CASZ1: variants seen among roughly 807,000 people sequenced by gnomAD.
CASZ1 encodes the protein castor zinc finger 1, also known as zinc finger protein castor homolog 1.
In CASZ1, 28 loss-of-function variants were observed where a neutral mutation model predicts 135.2. The ratio of observed to expected loss-of-function variants is 0.21; its 90% CI spans 0.15 to 0.28. The LOEUF (loss-of-function observed/expected upper bound fraction) is 0.28, where lower values mean the gene tolerates loss of function less well. Among genes scored for constraint, CASZ1 ranks in the 10% least tolerant of loss-of-function variants. CASZ1 has a pLI of 1.00. For synonymous variants in CASZ1, 1,068 were observed against 1,073.4 expected, an observed-to-expected ratio of 0.99 and a Z score of 0.10; for missense variants, 2,161 against 2,453.3, an observed-to-expected ratio of 0.88 and a Z score of 2.52.
At chr1:10,665,709 C>T (rs1643214585) in intron 4 of CASZ1, 138 bp from the exon 5 acceptor site, 2 of 935,984 alleles carry the variant, frequency 2.1e-6, no homozygotes, top group Non-Finnish European at 3.1e-6. Flanking sequence ...CTGAGACTGC[C>T]TGGCATGTGT....
intron 20 of CASZ1, among the ~76,000 whole-genome samples, chr1:10,640,343 G>A (rs1044727776): frequency 6.6e-6 from 1 of 152,250 alleles, no homozygotes; most frequent in Non-Finnish European, 1.5e-5. Flanking sequence ...CGTGGTGGCT[G>A]CTTCCTGGCC....
At chr1:10,751,860 A>T (rs1345841924) in intron 2 of CASZ1, among the ~76,000 whole-genome samples, 3 of 152,168 alleles carry the variant, frequency 2.0e-5, no homozygotes, top group Non-Finnish European at 4.4e-5. Flanking sequence ...AAGAGCTCCC[A>T]CCTTGGGGCA....
At chr1:10,642,357 A>G (rs1642232576) in intron 20 of CASZ1, 1 of 155,212 alleles carries the variant, frequency 6.4e-6, no homozygotes. Flanking sequence ...AAAAAAAAAA[A>G]AAAAAGAAAC....
intron 1 of CASZ1, among the ~76,000 whole-genome samples, chr1:10,766,134 T>C (rs1340300241): frequency 2.0e-5 from 3 of 151,940 alleles, no homozygotes; most frequent in Admixed American, 6.6e-5. Context: ...TGATGATCTA[T>C]CTGCAGGAAC....
intron 1 of CASZ1, among the ~76,000 whole-genome samples, chr1:10,785,996 A>G (rs967457772): frequency 5.9e-5 from 9 of 152,154 alleles, no homozygotes; most frequent in Non-Finnish European, 1.2e-4. Context: ...AGGAAACACA[A>G]TTCGCCTTCA....
chr1:10,738,908 A>T (rs1402144268), intron 2 of CASZ1, among the ~76,000 whole-genome samples: 1 of 141,310 alleles, frequency 7.1e-6, no homozygotes, highest in African/African-American at 2.6e-5. Flanking sequence ...CTCCATATGC[A>T]TGAAGGAAGG....
chr1:10,639,024 G>T lies in CASZ1; in HGVS notation c.5198C>A (p.Ala1733Glu), dbSNP rs1242664382. The T allele has an allele frequency of 2.0e-6, 2 of 1,016,618 alleles. No homozygotes were observed. The highest frequency in any genetic ancestry group is 2.4e-6 in the Non-Finnish European group (2 of 844,550). The allele number at this position is 1,016,618 out of a possible 1,614,324, so 63.0% of individuals were successfully genotyped here. Residue 1733 changes from alanine (A) to glutamate (E), a missense_variant, in exon 21 of 21, where the codon GCG (alanine) becomes GAG (glutamate). Around this residue, in one of 7 missense-constraint regions of CASZ1, gnomAD observed 185 missense variants for 134.7 expected, o/e 1.37. Transcript: ENST00000377022. This position sits in a 1 kb window ranked among gnomAD's most constrained non-coding sequence, Gnocchi z 4.0. ...CGCCAAGGCCGGGGTCCGCGCGCCCGCGCCCGCCGCCTCCGCCGCCGCCTC... is the reference window on the plus strand; with the variant it reads ...CGCCAAGGCCGGGGTCCGCGCGCCCTCGCCCGCCGCCTCCGCCGCCGCCTC... ...LPEAAAEAAG[A>E]GARTPALAAL...
chr1:10,760,331 G>A (rs774094179), intron 2 of CASZ1, among the ~76,000 whole-genome samples: 1 of 152,220 alleles, frequency 6.6e-6, no homozygotes, highest in East Asian at 1.9e-4. Context: ...GATGGAGAAT[G>A]GTCCTTGGCC....
chr1:10,775,640 G>A (rs946112831), intron 1 of CASZ1, among the ~76,000 whole-genome samples: 8 of 152,152 alleles, frequency 5.3e-5, no homozygotes, highest in Admixed American at 2.6e-4. Flanking sequence ...TCAAGGGGAC[G>A]GGTGTGAACG....
intron 5 of CASZ1, among the ~76,000 whole-genome samples, chr1:10,662,549 A>C (rs139480241): frequency 2.1e-4 from 32 of 151,860 alleles, no homozygotes; most frequent in African/African-American, 7.3e-4. Context: ...ATGCAATCAC[A>C]CACACTCTAC....
intron 5 of CASZ1, chr1:10,660,762 A>G (rs1011945856): frequency 1.8e-6 from 1 of 550,180 alleles, no homozygotes; most frequent in African/African-American, 1.9e-5. Context: ...CGAGTTCATC[A>G]ATGCCAGGAA....
At chr1:10,791,836 T>C (rs900758142) in intron 1 of CASZ1, among the ~76,000 whole-genome samples, 3 of 152,286 alleles carry the variant, frequency 2.0e-5, no homozygotes, top group Admixed American at 2.0e-4. Flanking sequence ...TAATTACTTA[T>C]GTGAGCTATT....
intron 2 of CASZ1, among the ~76,000 whole-genome samples, chr1:10,708,552 C>T (rs527750347): frequency 6.6e-6 from 1 of 152,326 alleles, no homozygotes; most frequent in East Asian, 1.9e-4. Flanking sequence ...GGCTGCTGCA[C>T]CTGCCCAGGT....
intron 4 of CASZ1, among the ~76,000 whole-genome samples, chr1:10,671,578 T>C (rs1029527686): frequency 2.0e-5 from 3 of 152,136 alleles, no homozygotes; most frequent in African/African-American, 4.8e-5. Context: ...AGGGGTCTGA[T>C]TGGTCCCCTC....
chr1:10,674,331 A>G (rs1043847247), intron 4 of CASZ1, among the ~76,000 whole-genome samples: 4 of 152,188 alleles, frequency 2.6e-5, no homozygotes, highest in Non-Finnish European at 5.9e-5. Context: ...ATGAAGGCAA[A>G]GAGGAACCTG....
chr1:10,758,698 A>G (rs1325078707), intron 2 of CASZ1, among the ~76,000 whole-genome samples: 1 of 152,148 alleles, frequency 6.6e-6, no homozygotes, highest in African/African-American at 2.4e-5. Context: ...GGTGGGGGGA[A>G]TCTGAGCCAG....
chr1:10,653,514 G>A lies in CASZ1; in HGVS notation c.2543C>T (p.Ala848Val), dbSNP rs758717687. The change falls in exon 11 of 21, where the codon GCC (alanine) becomes GTC (valine). Residue 848 changes from alanine to valine, a missense_variant. Physicochemically the swap from Ala to Val is moderately conservative, Grantham distance 64. Transcript: ENST00000377022. ...CGGGACAGAGGCGGCAGCCACGGGG[G>A]CTGAGTCTCCAGCTCCCGAGGCGAC... ...TLVASGAGDS[A>V]PVAAASVPAP... The A allele has an allele frequency of 7.5e-6, 12 of 1,609,362 alleles. No individual in the cohort carries two copies. The highest frequency in any genetic ancestry group is 1.1e-5 in the South Asian group (1 of 90,828).
At chr1:10,714,805 C>T (rs577623959) in intron 2 of CASZ1, among the ~76,000 whole-genome samples, 5 of 152,316 alleles carry the variant, frequency 3.3e-5, no homozygotes, top group East Asian at 1.9e-4. Context: ...CTCCAGGCCT[C>T]GGCCTTTCTG....
Position 10,707,420 on chromosome 1 carries a change from C to T in CASZ1, c.-76-1876G>A, listed in dbSNP as rs1334001710. 2.0e-5 allele frequency among the ~76,000 whole-genome samples: 3 copies of T among 152,182 alleles called. No individual in the cohort carries two copies. Among genetic ancestry groups the T allele is most frequent in the Non-Finnish European group, 4.4e-5 (3 of 68,044 alleles). On this transcript the variant is annotated intron_variant, in intron 2 of 20. Coordinates refer to ENST00000377022, the MANE Select transcript of CASZ1 (RefSeq NM_001079843.3). This position sits in a 1 kb window ranked among gnomAD's most constrained non-coding sequence, Gnocchi z 5.0. The stretch of plus-strand genomic sequence containing the variant: ...GAGACCGGAGCGCTGAACCCAAATC[C>T]CTCAGCAGTTGCACTTCATTAAGTC...
Sources: allele counts gnomAD v4.1 joint callset (sites outside exome capture counted in the v4.1 genomes callset), GRCh38; gene constraint gnomAD v4.1.1; regional missense constraint gnomAD v4.1.1; non-coding constraint Gnocchi (gnomAD v3.1); transcripts MANE v1.5; gene names NCBI Gene and HGNC (gene_info 2026-07-23, HGNC 2026-07-21).